Variants in FAT3 observed in about 807,000 individuals in gnomAD.
The protein encoded by FAT3 is protocadherin Fat 3.
A neutral mutation model predicts 310.2 loss-of-function variants in FAT3; 95 were observed. That is an observed-to-expected ratio of 0.31 (90% CI 0.26 to 0.36). The LOEUF is 0.36. FAT3 is among the 10% of genes least tolerant of loss of function. The pLI is 1.00. For synonymous variants in FAT3, 2,314 were observed against 2,192.9 expected (o/e 1.06, Z -1.54); for missense variants, 5,408 against 5,715.6 (o/e 0.95, Z 1.74).
chr11:92,495,957 A>T (rs933488326), intron 2 of FAT3, among the ~76,000 whole-genome samples: 4 of 152,070 alleles, frequency 2.6e-5, no homozygotes, highest in Non-Finnish European at 5.9e-5. Flanking sequence ...TTAGCTATTT[A>T]TTTTGGTAAC....
chr11:92,242,459 T>G (rs1024895700), intron 1 of FAT3, among the ~76,000 whole-genome samples: 1 of 151,670 alleles, frequency 6.6e-6, no homozygotes, highest in African/African-American at 2.4e-5. Context: ...TAGAACCACC[T>G]TTTTTTTGGT....
At chr11:92,744,505 T>G (rs953750481) in intron 4 of FAT3, among the ~76,000 whole-genome samples, 1 of 152,234 alleles carries the variant, frequency 6.6e-6, no homozygotes, top group Non-Finnish European at 1.5e-5. Flanking sequence ...TATACTCTCT[T>G]CATTTGTCTA....
At chr11:92,504,212 C>A (rs1368135942) in intron 2 of FAT3, among the ~76,000 whole-genome samples, 1 of 152,124 alleles carries the variant, frequency 6.6e-6, no homozygotes, top group Non-Finnish European at 1.5e-5. Context: ...ACACAGATTC[C>A]ATGAATGAGC....
rs1465197982 is a variant in FAT3 at position 92,416,085 on chromosome 11, A to G, written c.3292+60681A>G. ...TCCTGGAAGCCTAAAAAAAAAAAAA[A>G]AAAAAAAAAGTCCGGCATGGTGGCT... On this transcript the variant is annotated intron_variant, in intron 2 of 27. Transcript: ENST00000525166. Among the ~76,000 whole-genome samples the G allele has an allele frequency of 2.1e-4, 31 of 149,552 alleles. 1 individual carries two copies. The East Asian group carries it at 5.9e-3, about 28-fold the overall frequency.
At chr11:92,771,212 G>A (rs553385420) in intron 6 of FAT3, among the ~76,000 whole-genome samples, 1 of 152,250 alleles carries the variant, frequency 6.6e-6, no homozygotes, top group African/African-American at 2.4e-5. Flanking sequence ...GGCTTTGCAT[G>A]TTCTGTTACT....
At chr11:92,418,127 T>G (rs1319193299) in intron 2 of FAT3, among the ~76,000 whole-genome samples, 1 of 152,152 alleles carries the variant, frequency 6.6e-6, no homozygotes, top group Non-Finnish European at 1.5e-5. Flanking sequence ...TTATCTAAAT[T>G]CTCTTCCAAC....
At chr11:92,352,052 A>T in intron 1 of FAT3, 44 bp from the exon 2 acceptor site, 1 of 1,195,596 alleles carries the variant, frequency 8.4e-7, no homozygotes, top group Non-Finnish European at 1.1e-6. Flanking sequence ...CCCTTCTTCT[A>T]GGATGGTTAA....
At chr11:92,851,233 A>G (rs968795416) in intron 19 of FAT3, among the ~76,000 whole-genome samples, 1 of 152,172 alleles carries the variant, frequency 6.6e-6, no homozygotes, top group African/African-American at 2.4e-5. Context: ...ACAAGGGAAA[A>G]GTTACACCTG....
At chr11:92,760,734 CTG>C (rs1946127983) in intron 4 of FAT3, among the ~76,000 whole-genome samples, 2 of 152,164 alleles carry the variant, frequency 1.3e-5, no homozygotes, top group Admixed American at 6.5e-5. Context: ...GCGTTATAAA[CTG>C]TGCCACACTA....
rs549539475 is a variant in FAT3, at chr11:92,779,097, GA to G, written c.4335+4921del. Among the ~76,000 whole-genome samples the G allele has an allele frequency of 1.9e-4, 29 of 152,160 alleles. No homozygotes were observed. In the South Asian group the frequency reaches 6.0e-3, roughly 32 times the overall value. Reference sequence around the variant, plus strand: ...AAGGAATCGGTACTGTATCTGCTTGGAAAAGAGTTGAGGAATCACAAGGAGC... The same window carrying G: ...AAGGAATCGGTACTGTATCTGCTTGGAAAGAGTTGAGGAATCACAAGGAGC... On this transcript the variant is annotated intron_variant, in intron 7 of 27. Transcript: ENST00000525166.
At chr11:92,580,461 A>G (rs1191582908) in intron 3 of FAT3, among the ~76,000 whole-genome samples, 1 of 152,120 alleles carries the variant, frequency 6.6e-6, no homozygotes, top group Non-Finnish European at 1.5e-5. Flanking sequence ...ATTTGGTAAG[A>G]TAGTTTCCCA....
chr11:92,304,022 T>C (rs1947061729), intron 1 of FAT3, among the ~76,000 whole-genome samples: 1 of 151,766 alleles, frequency 6.6e-6, no homozygotes, highest in Non-Finnish European at 1.5e-5. Flanking sequence ...GAAAAAGGAG[T>C]TTTAGAATAT....
intron 2 of FAT3, among the ~76,000 whole-genome samples, chr11:92,405,315 C>T (rs1950114524): frequency 6.6e-6 from 1 of 152,132 alleles, no homozygotes; most frequent in Non-Finnish European, 1.5e-5. Flanking sequence ...TGGGAGCATC[C>T]TTACAACAGC....
intron 1 of FAT3, among the ~76,000 whole-genome samples, chr11:92,321,229 G>A (rs1335882290): frequency 6.6e-6 from 1 of 152,072 alleles, no homozygotes; most frequent in African/African-American, 2.4e-5. Context: ...GAGGTCAGGA[G>A]ATCGAGACCA....
intron 2 of FAT3, among the ~76,000 whole-genome samples, chr11:92,387,640 A>C (rs1949656042): frequency 1.3e-5 from 2 of 152,156 alleles, no homozygotes; most frequent in Admixed American, 1.3e-4. Flanking sequence ...ATGCTTCTCA[A>C]GTTTCTGGCT....
intron 11 of FAT3, among the ~76,000 whole-genome samples, chr11:92,805,585 A>G (rs978802783): frequency 1.3e-5 from 2 of 151,238 alleles, no homozygotes; most frequent in Non-Finnish European, 3.0e-5. Flanking sequence ...AAAAAAAAAG[A>G]AAGAAACCAA....
chr11:92,336,355 G>A, intron 1 of FAT3: 2 of 380,370 alleles, frequency 5.3e-6, no homozygotes, highest in Non-Finnish European at 5.1e-6. Flanking sequence ...AGTTCCGGGG[G>A]CTGTTTTCCC....
intron 3 of FAT3, among the ~76,000 whole-genome samples, chr11:92,665,623 G>A (rs1164182327): frequency 6.6e-6 from 1 of 152,184 alleles, no homozygotes; most frequent in South Asian, 2.1e-4. Context: ...AATGACCACA[G>A]ATCAGTCACA....
At position 92,835,076 on chromosome 11, in the gene FAT3, G is replaced by T. The variant is rs766890053; in HGVS notation, c.10078G>T (p.Val3360Phe). The change falls in exon 15 of 28, where the codon GTC becomes TTC. Residue 3360 changes from valine (V) to phenylalanine (F), a missense_variant. This residue lies in a region of FAT3 where 4,588 missense variants were observed against 4,809.8 expected (regional missense o/e 0.95). Coordinates refer to ENST00000525166, the MANE Select transcript of FAT3 (RefSeq NM_001367949.2). ...TGAAGACGCCTTGGTGGGAGACTCTGTCATTTTGGTAGGTACCTGGGGTTG... is the reference window on the plus strand; with the variant it reads ...TGAAGACGCCTTGGTGGGAGACTCTTTCATTTTGGTAGGTACCTGGGGTTG... ...ISEDALVGDS[V>F]ILLIAEDVDS... is the part of the protein sequence containing the mutation. 5 of 1,611,948 alleles carry T rather than the reference G, an allele frequency of 3.1e-6. No homozygotes were observed. The South Asian group carries it at 5.5e-5, about 18-fold the overall frequency.
Sources: gnomAD v4.1 joint callset for allele counts (sites outside exome capture counted in the v4.1 genomes callset) on GRCh38, gnomAD v4.1.1 for gene constraint, gnomAD v4.1.1 regional missense constraint, MANE v1.5 for transcripts, NCBI Gene and HGNC (gene_info 2026-07-23, HGNC 2026-07-21) for gene names.